Variants in INSL6 observed in about 807,000 individuals in gnomAD.
The protein encoded by INSL6 is insulin like 6.
INSL6 carries 16 observed loss-of-function variants against 9.4 expected under a neutral mutation model. The ratio of observed to expected loss-of-function variants is 1.70; its 90% CI spans 1.15 to 2.59. The LOEUF (loss-of-function observed/expected upper bound fraction) is 2.59, where lower values mean the gene tolerates loss of function less well. Among genes scored for constraint, INSL6 ranks in the 30% most tolerant of loss-of-function variants. The probability of loss-of-function intolerance (pLI) is 0.00; values close to 1 mark genes in which losing one functional copy is unlikely to be tolerated. For synonymous variants in INSL6, 154 were observed against 96.9 expected, an observed-to-expected ratio of 1.59 and a Z score of -3.46; for missense variants, 391 against 257.3, an observed-to-expected ratio of 1.52 and a Z score of -3.56.
At chr9:5,116,075 C>A in the INSL6 span, among the ~76,000 whole-genome samples, 2 of 151,562 alleles carry the variant, frequency 1.3e-5, no homozygotes, top group South Asian at 4.2e-4. Flanking sequence ...AAAAAAAAAA[C>A]AGTGAACATT....
At chr9:5,055,957 A>G in the INSL6 span, among the ~76,000 whole-genome samples, 2 of 152,152 alleles carry the variant, frequency 1.3e-5, no homozygotes, top group African/African-American at 4.8e-5. Context: ...AGCTTTTTGT[A>G]TTACTATCAA....
exon 3 of INSL6, chr9:5,133,547 C>G (rs1824331182): frequency 6.5e-6 from 1 of 154,164 alleles, no homozygotes; most frequent in Non-Finnish European, 1.4e-5. Flanking sequence ...TGGTGATACC[C>G]AGGCAAACAG....
chr9:5,059,714 T>C, the INSL6 span, among the ~76,000 whole-genome samples: 1 of 152,220 alleles, frequency 6.6e-6, no homozygotes, highest in African/African-American at 2.4e-5. Flanking sequence ...ACTCTTAATT[T>C]TGTCAGTCTA....
chr9:5,147,779 T>A (rs1824630054), intron 2 of INSL6, among the ~76,000 whole-genome samples: 1 of 152,216 alleles, frequency 6.6e-6, no homozygotes, highest in Non-Finnish European at 1.5e-5. Flanking sequence ...CTGCGTTGAT[T>A]TGAAAAACTG....
downstream of INSL6, among the ~76,000 whole-genome samples, chr9:5,158,973 C>T (rs1363014744): frequency 3.3e-5 from 5 of 152,004 alleles, no homozygotes; most frequent in Admixed American, 6.6e-5. Context: ...TAAATAGACA[C>T]AACAAAAAGT....
the INSL6 span, among the ~76,000 whole-genome samples, chr9:5,115,391 C>A: frequency 6.6e-6 from 1 of 152,100 alleles, no homozygotes; most frequent in African/African-American, 2.4e-5. Context: ...GAATGGCGAT[C>A]ATTAAAAAGT....
chr9:5,076,921 C>A, the INSL6 span, among the ~76,000 whole-genome samples: 12 of 150,696 alleles, frequency 8.0e-5, 1 homozygote, highest in South Asian at 2.3e-3. Context: ...GTTTTTCTGG[C>A]AAAATATGTT....
the INSL6 span, chr9:5,069,936 C>A: frequency 6.3e-7 from 1 of 1,595,788 alleles, no homozygotes; most frequent in South Asian, 1.1e-5. Context: ...TAAATCAAAC[C>A]TTCTAGTCTT....
the INSL6 span, among the ~76,000 whole-genome samples, chr9:5,048,201 G>C: frequency 7.9e-5 from 12 of 151,818 alleles, no homozygotes; most frequent in African/African-American, 2.9e-4. Context: ...GAGTGCAATG[G>C]CGTGATCTCG....
the INSL6 span, among the ~76,000 whole-genome samples, chr9:5,089,084 T>C: frequency 2.0e-5 from 3 of 152,230 alleles, no homozygotes; most frequent in Non-Finnish European, 4.4e-5. Flanking sequence ...CCTTGGCTTA[T>C]CTTGACAATT....
the INSL6 span, chr9:5,072,561 G>C: frequency 6.2e-7 from 1 of 1,610,342 alleles, no homozygotes; most frequent in Non-Finnish European, 8.5e-7. Context: ...AGGAGACTAC[G>C]GTCAACTGCA....
the INSL6 span, among the ~76,000 whole-genome samples, chr9:5,024,075 T>C: frequency 6.6e-6 from 1 of 152,022 alleles, no homozygotes; most frequent in African/African-American, 2.4e-5. Context: ...GCTAATATGG[T>C]GAAACCTCAT....
intron 1 of INSL6, among the ~76,000 whole-genome samples, chr9:5,177,075 C>T (rs1203525252): frequency 6.6e-6 from 1 of 151,932 alleles, no homozygotes; most frequent in Non-Finnish European, 1.5e-5. Context: ...TCAATGGGGT[C>T]GGGGGGAGTT....
the INSL6 span, among the ~76,000 whole-genome samples, chr9:5,087,522 T>G: frequency 6.6e-6 from 1 of 152,240 alleles, no homozygotes; most frequent in Non-Finnish European, 1.5e-5. Flanking sequence ...CCCTTCTGGT[T>G]TTCTATCTTA....
At chr9:5,160,176 C>CAA (rs567544530), downstream of INSL6, among the ~76,000 whole-genome samples, 9 of 83,498 alleles carry the variant, frequency 1.1e-4, no homozygotes, top group African/African-American at 2.0e-4. Context: ...AACTCGGTCT[C>CAA]AAAAAAAAAA....
chr9:5,112,819 T>A, the INSL6 span: 1 of 554,936 alleles, frequency 1.8e-6, no homozygotes. Flanking sequence ...TGGGCTTGAG[T>A]GAAGCCCACA....
chr9:5,133,393 A>G (rs1259783844), intron 3 of INSL6: 2 of 152,126 alleles, frequency 1.3e-5, no homozygotes, highest in Admixed American at 6.5e-5. Flanking sequence ...GCCAAAAAAA[A>G]TAGTTTACAC....
At chr9:5,121,483 A>G (rs1400451419), downstream of INSL6, among the ~76,000 whole-genome samples, 1 of 152,150 alleles carries the variant, frequency 6.6e-6, no homozygotes, top group Non-Finnish European at 1.5e-5. Flanking sequence ...GACAGGAGGT[A>G]GTTTTGCAGC....
the INSL6 span, among the ~76,000 whole-genome samples, chr9:5,012,938 T>C: frequency 6.6e-6 from 1 of 152,136 alleles, no homozygotes; most frequent in Non-Finnish European, 1.5e-5. Flanking sequence ...TTGCAATAGT[T>C]CAGGAGAGAA....
Sources: gnomAD v4.1 joint callset for allele counts (sites outside exome capture counted in the v4.1 genomes callset) on GRCh38, gnomAD v4.1.1 for gene constraint, MANE v1.5 for transcripts, NCBI Gene and HGNC (gene_info 2026-07-23, HGNC 2026-07-21) for gene names.